Variants in RMC1 observed in about 807,000 individuals in gnomAD.
RMC1 encodes regulator of MON1-CCZ1, also known as regulator of MON1-CCZ1 complex.
Under a neutral mutation model 95.5 loss-of-function variants are expected in RMC1, and 44 were observed. That is an observed-to-expected ratio of 0.46 (90% CI 0.36 to 0.59). RMC1 has a LOEUF of 0.59. RMC1 is among the 20% of genes least tolerant of loss of function. RMC1 has a pLI of 0.00. For missense variants in RMC1, 705 were observed against 819.6 expected, an observed-to-expected ratio of 0.86 and a Z score of 1.71; for synonymous variants, 320 against 303.6, an observed-to-expected ratio of 1.05 and a Z score of -0.56.
chr18:23,507,912 TAGTATGCCAACGTAGGTTGGC>T (rs1344011404), intron 3 of RMC1, 52 bp from the exon 4 acceptor site: 3 of 1,361,842 alleles, frequency 2.2e-6, no homozygotes, highest in Non-Finnish European at 3.1e-6. Context: ...TCTTGTCTTG[TAGTATGCCAACGTAGGTTGGC>T]AGTATGCTGC....
chr18:23,527,664 G>GTATTGTGTTTCT, intron 13 of RMC1, 131 bp from the exon 14 acceptor site: 2 of 607,866 alleles, frequency 3.3e-6, no homozygotes, highest in South Asian at 1.7e-5. Context: ...GGTCTTTAAA[G>GTATTGTGTTTCT]TAGAGTGTCC....
At position 23,525,081 on chromosome 18, in the gene RMC1, G is replaced by A. The variant is rs202183137; in HGVS notation, c.1060+599G>A. 5.3e-5 allele frequency among the ~76,000 whole-genome samples: 8 copies of A among 151,356 alleles called. No homozygotes were observed. In the East Asian group the frequency reaches 1.6e-3, roughly 30 times the overall value. ...CCTGCCTCAGCCTCCTGAATAGCTG[G>A]GATTACAGGCATGTGCCACCACGCC... On this transcript the variant is annotated intron_variant, in intron 12 of 19. Coordinates refer to ENST00000269221, the MANE Select transcript of RMC1 (RefSeq NM_013326.5).
At chr18:23,527,613 A>C (rs2058343396) in intron 13 of RMC1, among the ~76,000 whole-genome samples, 182 bp from the exon 14 acceptor site, 1 of 130,826 alleles carries the variant, frequency 7.6e-6, no homozygotes, top group African/African-American at 3.2e-5. Flanking sequence ...TTTTTTTTTA[A>C]CCGTAACCAG....
Position 23,503,660 on chromosome 18 carries a change from G to T in RMC1, c.42G>T (p.Pro14=). 4 of 1,591,278 alleles carry T rather than the reference G, an allele frequency of 2.5e-6. No individual in the cohort carries two copies. The highest frequency in any genetic ancestry group is 3.4e-6 in the Non-Finnish European group (4 of 1,169,496). The change falls in exon 1 of 20, where the codon CCG becomes CCT. Residue 14 remains proline (P), a synonymous_variant. Transcript: ENST00000269221. Reference sequence around the variant, plus strand: ...ACTATCTGGAGCTGTGCGAGCGGCCGGTGCAGTTCGAGAAGGCGAACCCTG... The same window carrying T: ...ACTATCTGGAGCTGTGCGAGCGGCCTGTGCAGTTCGAGAAGGCGAACCCTG... ...EDYYLELCER[P]VQFEKANPVN...
chr18:23,521,446 G>A (rs2058138547), intron 10 of RMC1, among the ~76,000 whole-genome samples: 2 of 152,224 alleles, frequency 1.3e-5, no homozygotes, highest in Non-Finnish European at 2.9e-5. Context: ...CTCACATTCC[G>A]TGTGACAGTG....
intron 5 of RMC1, among the ~76,000 whole-genome samples, chr18:23,510,127 A>G (rs991593283): frequency 1.3e-5 from 2 of 151,822 alleles, no homozygotes; most frequent in African/African-American, 4.8e-5. Context: ...GTCTGAGACC[A>G]GCCAGGCCAA....
chr18:23,521,028 T>C (rs1034861059), intron 10 of RMC1, among the ~76,000 whole-genome samples: 2 of 152,288 alleles, frequency 1.3e-5, no homozygotes, highest in Admixed American at 1.3e-4. Flanking sequence ...CAAATTTTTA[T>C]ATTTTTGGTA....
At chr18:23,506,025 G>T (rs775349779) in intron 2 of RMC1, among the ~76,000 whole-genome samples, 1 of 151,988 alleles carries the variant, frequency 6.6e-6, no homozygotes, top group African/African-American at 2.4e-5. Context: ...AAATTAGCCA[G>T]GTGTGGTGGC....
intron 12 of RMC1, among the ~76,000 whole-genome samples, chr18:23,525,648 C>T (rs754181349): frequency 3.3e-5 from 5 of 152,144 alleles, no homozygotes; most frequent in Non-Finnish European, 7.3e-5. Context: ...TGGTCTCGAT[C>T]TCCTGACCTC....
Position 23,529,702 on chromosome 18 carries a change from T to C in RMC1, c.1484T>C (p.Ile495Thr), listed in dbSNP as rs2058427436. ...EYIRSLNQFQ[I>T]AVQHYLHELV... ...ATTCGTTCTCTTAACCAGTTTCAGA[T>C]TGCAGTACAGGTACCTTCAAATCAT... is the stretch of plus-strand genomic sequence containing the variant. Residue 495 changes from isoleucine to threonine, a missense_variant, in exon 16 of 20, where the codon ATT (isoleucine) becomes ACT (threonine). Ile to Thr is a moderately conservative substitution (Grantham distance 89). Coordinates refer to ENST00000269221, the MANE Select transcript of RMC1 (RefSeq NM_013326.5). The C allele has an allele frequency of 2.5e-6, 4 of 1,613,746 alleles. No individual in the cohort carries two copies. The highest frequency in any genetic ancestry group is 1.1e-5 in the South Asian group (1 of 91,076).
intron 7 of RMC1, among the ~76,000 whole-genome samples, chr18:23,517,582 T>G (rs1346971816): frequency 6.6e-6 from 1 of 152,162 alleles, no homozygotes; most frequent in Non-Finnish European, 1.5e-5. Flanking sequence ...ATAGTCAAAA[T>G]TTTGCTTCTA....
Position 23,526,527 on chromosome 18 carries a change from G to T in RMC1, c.1061-110G>T. The T allele has an allele frequency of 4.4e-6, 6 of 1,365,486 alleles. No homozygotes were observed. The South Asian group carries it at 8.3e-5, about 19-fold the overall frequency. 84.6% of individuals were successfully genotyped at this position (1,365,486 alleles called of 1,614,324 possible). A position where few individuals can be genotyped will look rare whatever the true frequency, so the allele number is the denominator to read the frequency against. On this transcript the variant is annotated intron_variant, in intron 12 of 19. Coordinates refer to ENST00000269221, the MANE Select transcript of RMC1 (RefSeq NM_013326.5). Reference sequence around the variant, plus strand: ...AAAGCTACACTGACTGTACTTTGCGGCTTTTTATCACCACCTGCCACCCGC... The same window carrying T: ...AAAGCTACACTGACTGTACTTTGCGTCTTTTTATCACCACCTGCCACCCGC...
At chr18:23,507,087 G>A (rs2057734097) in intron 3 of RMC1, 33 bp downstream of exon 3, 5 of 1,407,062 alleles carry the variant, frequency 3.6e-6, no homozygotes, top group African/African-American at 1.4e-5. Context: ...AGCATTAAAG[G>A]GCATTAGAAA....
chr18:23,521,634 T>G (rs181263469), intron 10 of RMC1, among the ~76,000 whole-genome samples: 11 of 152,028 alleles, frequency 7.2e-5, no homozygotes, highest in Admixed American at 5.2e-4. Flanking sequence ...TCGTTTTGCC[T>G]TTTTCCAGTG....
At position 23,529,171 on chromosome 18, in the gene RMC1, T is replaced by C; in HGVS notation, c.1297-8T>C. Reference sequence around the variant, plus strand: ...CGAAGATCATAGTTTGTGGTTTTTTTCTTTCAGGCGGTGGAAGCAGGGCAG... The same window carrying C: ...CGAAGATCATAGTTTGTGGTTTTTTCCTTTCAGGCGGTGGAAGCAGGGCAG... On this transcript the variant is annotated splice_polypyrimidine_tract_variant and splice_region_variant and intron_variant, in intron 14 of 19. Coordinates refer to ENST00000269221, the MANE Select transcript of RMC1 (RefSeq NM_013326.5). 4 of 1,606,744 alleles carry C rather than the reference T, an allele frequency of 2.5e-6. No individual in the cohort carries two copies. The highest frequency in any genetic ancestry group is 3.4e-6 in the Non-Finnish European group (4 of 1,178,104).
At chr18:23,531,334 T>A in intron 19 of RMC1, 1 of 347,846 alleles carries the variant, frequency 2.9e-6, no homozygotes, top group Non-Finnish European at 5.0e-6. Context: ...ACCTAAGACA[T>A]CATCTTTAGG....
At chr18:23,510,955 C>G (rs73612356) in intron 5 of RMC1, among the ~76,000 whole-genome samples, 5 of 152,162 alleles carry the variant, frequency 3.3e-5, no homozygotes, top group Non-Finnish European at 7.3e-5. Context: ...TACTGTTTGA[C>G]CTAGCAGCCC....
chr18:23,525,525 A>C (rs1353626416), intron 12 of RMC1, among the ~76,000 whole-genome samples: 1 of 151,382 alleles, frequency 6.6e-6, no homozygotes, highest in African/African-American at 2.4e-5. Flanking sequence ...CCTGGGTTTA[A>C]GCGATTCTCC....
At chr18:23,520,417 C>CA in intron 10 of RMC1, 104 bp downstream of exon 10, 6 of 908,224 alleles carry the variant, frequency 6.6e-6, no homozygotes, top group Non-Finnish European at 1.0e-5. Flanking sequence ...GAGGAATAAA[C>CA]AGAGATTCCC....
Sources: gnomAD v4.1 joint callset for allele counts (sites outside exome capture counted in the v4.1 genomes callset) on GRCh38, gnomAD v4.1.1 for gene constraint, MANE v1.5 for transcripts, NCBI Gene and HGNC (gene_info 2026-07-23, HGNC 2026-07-21) for gene names.